The following INCA1 variants were observed in gnomAD, a reference collection of about 807,000 sequenced individuals.
The protein encoded by INCA1 is inhibitor of CDK, cyclin A1 interacting protein 1.
In INCA1, 28 loss-of-function variants were observed where a neutral mutation model predicts 25.7. The ratio of observed to expected loss-of-function variants is 1.09; its 90% CI spans 0.81 to 1.49. The LOEUF is 1.49. Ranked by LOEUF, INCA1 falls within the 40% of genes most tolerant of loss-of-function variation. INCA1 has a pLI of 0.00. For synonymous variants in INCA1, 111 were observed against 103.6 expected (o/e 1.07, Z -0.43); for missense variants, 309 against 290.9 (o/e 1.06, Z -0.45).
intron 2 of INCA1, among the ~76,000 whole-genome samples, chr17:4,992,911 C>G (rs1190922537): frequency 6.6e-6 from 1 of 151,838 alleles, no homozygotes; most frequent in Admixed American, 6.6e-5. Flanking sequence ...TGGTGTTTCA[C>G]TCTTGTCGCC....
At chr17:4,988,744 C>T (rs1420043976) in intron 6 of INCA1, 35 bp downstream of exon 6, 1 of 1,612,340 alleles carries the variant, frequency 6.2e-7, no homozygotes, top group South Asian at 1.1e-5. Flanking sequence ...ACCCACATCA[C>T]TCCCTCACTC....
At chr17:4,990,206 G>A in exon 3 of INCA1, 5 of 1,614,128 alleles carry the variant, frequency 3.1e-6, no homozygotes, top group Non-Finnish European at 4.2e-6. Context: ...CTGGGGCATG[G>A]GTCTGAGGCT....
intron 2 of INCA1, among the ~76,000 whole-genome samples, chr17:4,990,840 G>A (rs1025980626): frequency 4.7e-5 from 7 of 149,684 alleles, no homozygotes; most frequent in African/African-American, 1.2e-4. Flanking sequence ...TCGAAATCGC[G>A]CCATTGCACT....
At chr17:4,993,147 T>G (rs1409430357) in intron 2 of INCA1, among the ~76,000 whole-genome samples, 1 of 152,052 alleles carries the variant, frequency 6.6e-6, no homozygotes, top group Non-Finnish European at 1.5e-5. Context: ...CCCAAAGTGC[T>G]CGGATTACAG....
chr17:4,988,243 C>T, exon 7 of INCA1: 1 of 692,528 alleles, frequency 1.4e-6, no homozygotes, highest in Non-Finnish European at 2.2e-6. Context: ...GAGATGGGAG[C>T]CCACGGGGGC....
exon 7 of INCA1, chr17:4,988,231 T>G (rs1597795466): frequency 1.6e-6 from 1 of 614,846 alleles, no homozygotes; most frequent in Non-Finnish European, 2.6e-6. Context: ...GAGCGGTGGG[T>G]TGAGATGGGA....
intron 1 of INCA1, among the ~76,000 whole-genome samples, chr17:4,995,227 A>C (rs1054000457): frequency 6.6e-6 from 1 of 152,012 alleles, no homozygotes; most frequent in Non-Finnish European, 1.5e-5. Context: ...AGGTATTTGT[A>C]GTGCTGGACT....
At chr17:4,996,702 T>G (rs1440799094) in intron 1 of INCA1, 2 of 121,986 alleles carry the variant, frequency 1.6e-5, no homozygotes, top group South Asian at 2.5e-4. Context: ...GAATACTAGA[T>G]AAGTTAGGAG....
chr17:4,989,695 A>G, intron 4 of INCA1, 71 bp from the exon 5 acceptor site: 1 of 1,585,026 alleles, frequency 6.3e-7, no homozygotes, highest in Non-Finnish European at 8.6e-7. Flanking sequence ...GGATTGAACT[A>G]GGTAGGGAGT....
exon 7 of INCA1, chr17:4,988,500 G>T (rs1489552440): frequency 6.2e-7 from 1 of 1,614,096 alleles, no homozygotes; most frequent in Admixed American, 1.7e-5. Context: ...GAGTGCAGCT[G>T]CCTGGAGGCA....
At chr17:4,990,152 G>C in exon 3 of INCA1, 1 of 1,614,162 alleles carries the variant, frequency 6.2e-7, no homozygotes. Flanking sequence ...CTCTACTCAC[G>C]TGGGCCTTTG....
intron 4 of INCA1, 31 bp downstream of exon 4, chr17:4,989,859 G>A (rs1228913238): frequency 3.1e-6 from 5 of 1,614,000 alleles, no homozygotes; most frequent in Non-Finnish European, 3.4e-6. Flanking sequence ...TTTTAACAGA[G>A]AAATGTTAAA....
intron 2 of INCA1, among the ~76,000 whole-genome samples, 158 bp from the exon 3 acceptor site, chr17:4,990,423 A>G (rs1445133294): frequency 1.3e-5 from 2 of 152,192 alleles, no homozygotes; most frequent in African/African-American, 4.8e-5. Flanking sequence ...GAAGGTGGTA[A>G]GGCCTCTGCT....
At chr17:4,989,772 G>A in intron 4 of INCA1, 118 bp downstream of exon 4, 4 of 1,559,186 alleles carry the variant, frequency 2.6e-6, no homozygotes, top group Non-Finnish European at 3.5e-6. Context: ...AGGAAGGCCT[G>A]GTCAGTGCAC....
exon 6 of INCA1, chr17:4,988,792 G>A (rs1428549643): frequency 1.2e-6 from 2 of 1,614,066 alleles, no homozygotes; most frequent in South Asian, 1.1e-5. Flanking sequence ...GGCCCTGCCA[G>A]GAGTGAGAAA....
At chr17:4,989,367 C>G in intron 5 of INCA1, 61 bp downstream of exon 5, 1 of 1,508,548 alleles carries the variant, frequency 6.6e-7, no homozygotes, top group Non-Finnish European at 9.0e-7. Context: ...TTCCTTAGCT[C>G]AAACTGTTCT....
chr17:4,988,905 A>C, exon 6 of INCA1: 1 of 1,614,214 alleles, frequency 6.2e-7, no homozygotes, highest in Admixed American at 1.7e-5. Context: ...CCACTGGCTC[A>C]GATGCAGCCC....
At chr17:4,988,586 T>C (rs1482019001) in intron 6 of INCA1, 32 bp from the exon 7 acceptor site, 1 of 1,607,410 alleles carries the variant, frequency 6.2e-7, no homozygotes, top group Admixed American at 1.7e-5. Context: ...AAAAAGAAAA[T>C]GGAAAAGTAG....
At position 4,994,265 on chromosome 17, in the gene INCA1, T is replaced by A. The variant is rs556771796; in HGVS notation, c.44+129A>T. On this transcript the variant is annotated intron_variant, in intron 2 of 6. Coordinates refer to ENST00000576820, the Ensembl canonical transcript of INCA1. ...ACTATTTGTTGAATAAATTAATGAA[T>A]CATCAATCCCCTGAGACCAGGCATT... The A allele has an allele frequency of 8.2e-4, 686 of 834,144 alleles. 1 individual carries two copies. Among genetic ancestry groups the A allele is most frequent in the Admixed American group, 1.3e-3 (63 of 48,888 alleles). 51.7% of individuals were successfully genotyped at this position (834,144 alleles called of 1,614,324 possible).
Sources: allele counts gnomAD v4.1 joint callset (sites outside exome capture counted in the v4.1 genomes callset), GRCh38; gene constraint gnomAD v4.1.1; transcripts MANE v1.5; gene names NCBI Gene and HGNC (gene_info 2026-07-23, HGNC 2026-07-21).